The following DMKN variants were observed in gnomAD, a reference collection of about 807,000 sequenced individuals.
The protein encoded by DMKN is epidermis-specific secreted protein SK30/SK89.
A neutral mutation model predicts 67.6 loss-of-function variants in DMKN; 58 were observed. The ratio of observed to expected loss-of-function variants is 0.86; its 90% confidence interval spans 0.69 to 1.07. DMKN has a LOEUF of 1.07. Among genes scored for constraint, DMKN ranks in the 50% least tolerant of loss-of-function variants. DMKN has a pLI of 0.00. For missense variants in DMKN, 596 were observed against 601.5 expected (o/e 0.99, Z 0.10); for synonymous variants, 240 against 232.3 (o/e 1.03, Z -0.30).
At chr19:35,512,899 G>C in intron 1 of DMKN, 109 bp from the exon 2 acceptor site, 7 of 1,502,962 alleles carry the variant, frequency 4.7e-6, no homozygotes, top group Non-Finnish European at 6.2e-6. Context: ...AGGGACTCCA[G>C]GGTGGCATAG....
At chr19:35,502,386 A>T (rs547624925) in intron 10 of DMKN, among the ~76,000 whole-genome samples, 35 of 152,178 alleles carry the variant, frequency 2.3e-4, no homozygotes, top group African/African-American at 8.2e-4. Context: ...TAAGATTTGG[A>T]TGAGCTGTCT....
At chr19:35,499,063 C>CA in intron 13 of DMKN, 166 bp from the exon 14 acceptor site, 1 of 940,590 alleles carries the variant, frequency 1.1e-6, no homozygotes, top group Admixed American at 2.4e-5. Context: ...GTTGGTTTCA[C>CA]AGCACGTTTA....
In DMKN at chr19:35,506,598, G is replaced by A. The variant is rs764481489; in HGVS notation, c.1039-612C>T. 88 of 464,832 alleles carry A rather than the reference G, an allele frequency of 1.9e-4. No homozygotes were observed. The Middle Eastern group carries it at 2.6e-3, about 14-fold the overall frequency. The allele number at this position is 464,832 out of a possible 1,614,324, so 28.8% of individuals were successfully genotyped here. ...AAGCTGTACAGTAACTGAAGGCTGC[G>A]TGAGTCAGGTTTCACTGTCCTCATT... is the stretch of plus-strand genomic sequence containing the variant. On this transcript the variant is annotated intron_variant, in intron 7 of 15. Transcript: ENST00000339686.
chr19:35,505,630 G>A (rs2069319141), intron 9 of DMKN, 88 bp downstream of exon 9: 4 of 1,562,036 alleles, frequency 2.6e-6, no homozygotes, highest in Non-Finnish European at 3.5e-6. Flanking sequence ...CTTCCTCAGT[G>A]GCCAGCATCA....
chr19:35,505,351 T>C (rs756721264), intron 9 of DMKN, among the ~76,000 whole-genome samples: 12 of 152,110 alleles, frequency 7.9e-5, no homozygotes, highest in Admixed American at 2.0e-4. Flanking sequence ...GTGCCCTTCC[T>C]CTTGGGGCCT....
At chr19:35,500,276 G>C (rs1384335914) in intron 12 of DMKN, 1 of 1,464,784 alleles carries the variant, frequency 6.8e-7, no homozygotes, top group Non-Finnish European at 9.2e-7. Flanking sequence ...CTGCCCTCAA[G>C]ACCTCTGCCA....
At position 35,509,814 on chromosome 19, in the gene DMKN, G is replaced by T. The variant is rs1011340293; in HGVS notation, c.1038+97C>A. On this transcript the variant is annotated intron_variant, in intron 7 of 15. Coordinates refer to ENST00000339686, the MANE Select transcript of DMKN (RefSeq NM_033317.5). ...AAATAGTCAGTTCCCTGCAGACAAG[G>T]CAGGAGGGGGTTGAGCAGAGTTGAG... 1.1e-4 allele frequency: 158 copies of T among 1,409,780 alleles called. 3 individuals are homozygous for T. The South Asian group carries it at 1.8e-3, about 16-fold the overall frequency. 87.3% of individuals were successfully genotyped at this position (1,409,780 alleles called of 1,614,324 possible).
chr19:35,502,329 T>G lies in DMKN; in HGVS notation c.1192-146A>C. 1.1e-5 allele frequency: 8 copies of G among 733,034 alleles called. No homozygotes were observed. In the South Asian group the frequency reaches 1.2e-4, roughly 11 times the overall value. The allele number at this position is 733,034 out of a possible 1,614,324, so 45.4% of individuals were successfully genotyped here. On this transcript the variant is annotated intron_variant, in intron 10 of 15. Coordinates refer to ENST00000339686, the MANE Select transcript of DMKN (RefSeq NM_033317.5). ...TGGAGGAAGGTAAGCACGTGGGAGA[T>G]TGAGGGTGTCAGCACTTGAGATGGT...
chr19:35,503,355 G>C, intron 9 of DMKN: 3 of 1,547,930 alleles, frequency 1.9e-6, no homozygotes, highest in South Asian at 2.4e-5. Context: ...TTAGTGATGA[G>C]AGGGTGGTGT....
At position 35,509,914 on chromosome 19, in the gene DMKN, A is replaced by G; in HGVS notation, c.1035T>C (p.Ile345=). The G allele has an allele frequency of 6.2e-7, 1 of 1,614,196 alleles. No homozygotes were observed. The highest frequency in any genetic ancestry group is 1.1e-5 in the South Asian group (1 of 91,080). ...NEARGSGESG[I]QNSETSPGMF... ...CTTAAGAGACTTTGGCTCTCACCTG[A>G]ATCCCAGATTCCCCGCTCCCGCGGG... Residue 345 remains isoleucine, a synonymous_variant, in exon 7 of 16, where the codon ATT becomes ATC. Coordinates refer to ENST00000339686, the MANE Select transcript of DMKN (RefSeq NM_033317.5).
At chr19:35,506,461 C>T (rs6510492) in intron 7 of DMKN, 238,422 of 621,202 alleles carry the variant, frequency 0.38, 49,718 homozygotes, top group African/African-American at 0.66. Flanking sequence ...ACACCTCAAG[C>T]AAATGAGATT....
Position 35,506,065 on chromosome 19 carries a change from G to A in DMKN, c.1039-79C>T, listed in dbSNP as rs755338411. On this transcript the variant is annotated intron_variant, in intron 7 of 15. Transcript: ENST00000339686. Reference sequence around the variant, plus strand: ...GTCGGGAGATCTGAGTGGCAGGAGGGGAGGCGAGGATTGTGTGACACCATG... The same window carrying A: ...GTCGGGAGATCTGAGTGGCAGGAGGAGAGGCGAGGATTGTGTGACACCATG... The A allele has an allele frequency of 3.1e-6, 5 of 1,610,484 alleles. No individual in the cohort carries two copies. In the African/African-American group the frequency reaches 5.3e-5, roughly 17 times the overall value.
chr19:35,500,325 C>A, intron 12 of DMKN: 25 of 1,540,622 alleles, frequency 1.6e-5, no homozygotes, highest in Non-Finnish European at 2.1e-5. Flanking sequence ...GGTAGGAGAC[C>A]AAGAAAAGAA....
At position 35,502,126 on chromosome 19, in the gene DMKN, C is replaced by A. The variant is rs1568572563; in HGVS notation, c.1239+10G>T. The A allele has an allele frequency of 1.2e-6, 2 of 1,613,254 alleles. No individual in the cohort carries two copies. The highest frequency in any genetic ancestry group is 8.5e-7 in the Non-Finnish European group (1 of 1,180,022). On this transcript the variant is annotated intron_variant, in intron 11 of 15. Coordinates refer to ENST00000339686, the MANE Select transcript of DMKN (RefSeq NM_033317.5). ...TGTGTCCCAGAGCTGAGAAGTCCTG[C>A]CCCCCTTACCTCAATAATTGCTTTC...
At chr19:35,507,591 G>A (rs1354977126) in intron 7 of DMKN, 13 of 1,244,548 alleles carry the variant, frequency 1.0e-5, no homozygotes, top group African/African-American at 3.0e-5. Context: ...GCAGGGTGTC[G>A]GCGAGGGATT....
At chr19:35,500,975 A>T (rs1265519591) in intron 11 of DMKN, among the ~76,000 whole-genome samples, 12 of 152,324 alleles carry the variant, frequency 7.9e-5, no homozygotes, top group Non-Finnish European at 1.2e-4. Context: ...CACCGACGCC[A>T]TGCCCCACAG....
chr19:35,504,889 G>A lies in DMKN; in HGVS notation c.1134+829C>T, dbSNP rs533643414. Among the ~76,000 whole-genome samples the A allele has an allele frequency of 2.8e-3, 416 of 150,868 alleles. 1 individual carries two copies. Among genetic ancestry groups the A allele is most frequent in the Admixed American group, 4.6e-3 (70 of 15,138 alleles). Reference sequence around the variant, plus strand: ...CCCCCACCTGGGCCAAGCAGCAGCTGTTTCTCAGCTCTAGCCTAACCCCAC... The same window carrying A: ...CCCCCACCTGGGCCAAGCAGCAGCTATTTCTCAGCTCTAGCCTAACCCCAC... On this transcript the variant is annotated intron_variant, in intron 9 of 15. Coordinates refer to ENST00000339686, the MANE Select transcript of DMKN (RefSeq NM_033317.5).
intron 7 of DMKN, 182 bp downstream of exon 7, chr19:35,509,729 A>G (rs2070352708): frequency 1.5e-6 from 1 of 654,758 alleles, no homozygotes; most frequent in Non-Finnish European, 2.6e-6. Context: ...AAGATTTGCA[A>G]TTAATTAGTA....
intron 9 of DMKN, among the ~76,000 whole-genome samples, 187 bp from the exon 10 acceptor site, chr19:35,503,073 T>C (rs1039135908): frequency 3.3e-5 from 5 of 152,122 alleles, no homozygotes; most frequent in African/African-American, 1.2e-4. Context: ...AGAGAGGCAC[T>C]AACCAACTCT....
Sources: allele counts gnomAD v4.1 joint callset (sites outside exome capture counted in the v4.1 genomes callset), GRCh38; gene constraint gnomAD v4.1.1; transcripts MANE v1.5; gene names NCBI Gene and HGNC (gene_info 2026-07-23, HGNC 2026-07-21).